TBC1D9: variants seen among roughly 807,000 people sequenced by gnomAD.
TBC1D9 encodes TBC1 domain family member 9, also known as TBC1 domain family member 9A.
A neutral mutation model predicts 132.0 loss-of-function variants in TBC1D9; 63 were observed. The observed-to-expected ratio is 0.48, with a 90% CI of 0.39 to 0.59. The LOEUF (loss-of-function observed/expected upper bound fraction) is 0.59. TBC1D9 is among the 20% of genes least tolerant of loss of function. TBC1D9 has a pLI of 0.00. For missense variants in TBC1D9, 1,261 were observed against 1,592.7 expected (o/e 0.79, Z 3.54); for synonymous variants, 610 against 609.9 (o/e 1.00, Z 0.00).
chr4:140,645,224 G>A, intron 13 of TBC1D9: 1 of 537,638 alleles, frequency 1.9e-6, no homozygotes, highest in Non-Finnish European at 3.7e-6. Flanking sequence ...ATTACTCCTG[G>A]TGTCTGGCCC....
At chr4:140,731,771 A>AT (rs1395940280) in intron 1 of TBC1D9, among the ~76,000 whole-genome samples, 22 of 151,894 alleles carry the variant, frequency 1.4e-4, no homozygotes, top group South Asian at 2.1e-4. Context: ...AGCAGATACA[A>AT]TTTTTTTTAC....
At chr4:140,745,842 AC>A (rs1738828534) in intron 1 of TBC1D9, among the ~76,000 whole-genome samples, 1 of 152,172 alleles carries the variant, frequency 6.6e-6, no homozygotes, top group African/African-American at 2.4e-5. Flanking sequence ...TACAGTACTT[AC>A]AAGCTGGCAA....
chr4:140,634,207 T>A lies in TBC1D9; in HGVS notation c.2506-19A>T. ...GTTCTGCCTGAAAAAGAATGGATGA[T>A]CACTGGGGACCCTCTTTTGCAGCAA... On this transcript the variant is annotated intron_variant, in intron 15 of 20. Transcript: ENST00000442267. 1.2e-6 allele frequency: 2 copies of A among 1,608,610 alleles called. No homozygotes were observed. Among genetic ancestry groups the A allele is most frequent in the Non-Finnish European group, 1.7e-6 (2 of 1,179,030 alleles).
Position 140,650,603 on chromosome 4 carries a change from G to C in TBC1D9, c.2337+6494C>G, listed in dbSNP as rs544655836. Among the ~76,000 whole-genome samples the C allele has an allele frequency of 4.6e-5, 7 of 152,262 alleles. No individual in the cohort carries two copies. The East Asian group carries it at 1.4e-3, about 29-fold the overall frequency. ...CCTGGAGTGCAATGGCGAGATCTTG[G>C]CTCACTGCAATCTCCGCCTCCCAGG... is the stretch of plus-strand genomic sequence containing the variant. On this transcript the variant is annotated intron_variant, in intron 13 of 20. Transcript: ENST00000442267.
At chr4:140,749,686 C>T (rs1449291455) in intron 1 of TBC1D9, among the ~76,000 whole-genome samples, 5 of 151,934 alleles carry the variant, frequency 3.3e-5, no homozygotes, top group Admixed American at 3.3e-4. Flanking sequence ...AATTACTAAA[C>T]ATTATAAAAA....
chr4:140,639,159 A>T lies in TBC1D9; in HGVS notation c.2437-5T>A. On this transcript the variant is annotated splice_polypyrimidine_tract_variant and splice_region_variant and intron_variant, in intron 14 of 20. Transcript: ENST00000442267. Reference sequence around the variant, plus strand: ...TTCTGTCACAATGGTTCGTACCTATAAAAATATTAAGCAAAATGAATTTCA... The same window carrying T: ...TTCTGTCACAATGGTTCGTACCTATTAAAATATTAAGCAAAATGAATTTCA... 1 of 1,568,822 alleles carries T rather than the reference A, an allele frequency of 6.4e-7. No homozygotes were observed.
chr4:140,711,458 T>C (rs1407769121), intron 1 of TBC1D9, among the ~76,000 whole-genome samples: 1 of 152,188 alleles, frequency 6.6e-6, no homozygotes. Flanking sequence ...AGATCCCTTC[T>C]CTCAGGAAGG....
At chr4:140,695,049 C>A (rs1737932742) in intron 2 of TBC1D9, among the ~76,000 whole-genome samples, 1 of 152,148 alleles carries the variant, frequency 6.6e-6, no homozygotes. Flanking sequence ...AACTAAATTA[C>A]CCAACATTTT....
Position 140,741,659 on chromosome 4 carries a change from A to G in TBC1D9, c.130+14257T>C, listed in dbSNP as rs1738760259. ...CTTGAGTCCAGGAGGCAGAGGATGCAGTGAGCAGAGATCATGCCAATGCAC... is the reference window on the plus strand; with the variant it reads ...CTTGAGTCCAGGAGGCAGAGGATGCGGTGAGCAGAGATCATGCCAATGCAC... On this transcript the variant is annotated intron_variant, in intron 1 of 20. Coordinates refer to ENST00000442267, the MANE Select transcript of TBC1D9 (RefSeq NM_015130.3). 2.0e-5 allele frequency among the ~76,000 whole-genome samples: 3 copies of G among 152,336 alleles called. 1 individual carries two copies. Among genetic ancestry groups the G allele is most frequent in the African/African-American group, 7.2e-5 (3 of 41,576 alleles).
intron 1 of TBC1D9, among the ~76,000 whole-genome samples, chr4:140,723,577 G>A (rs556615592): frequency 5.9e-5 from 9 of 152,030 alleles, no homozygotes; most frequent in Admixed American, 2.0e-4. Context: ...CAAGTGATCC[G>A]CCTGCCTCAG....
Position 140,713,729 on chromosome 4 carries a change from C to T in TBC1D9, c.131-12115G>A, listed in dbSNP as rs371412502. Among the ~76,000 whole-genome samples, 57 of 144,678 alleles carry T rather than the reference C, an allele frequency of 3.9e-4. No individual in the cohort carries two copies. In the East Asian group the frequency reaches 7.0e-3, roughly 18 times the overall value. 94.9% of individuals were successfully genotyped at this position (144,678 alleles called of 152,430 possible). On this transcript the variant is annotated intron_variant, in intron 1 of 20. Coordinates refer to ENST00000442267, the MANE Select transcript of TBC1D9 (RefSeq NM_015130.3). ...CTTCAGCCTGGGAGACAGAGTGAGA[C>T]CCTATCTCTGAAAAAGAATTAAAAA...
chr4:140,704,250 A>AATTAG (rs1485963084), intron 1 of TBC1D9, among the ~76,000 whole-genome samples: 1 of 151,990 alleles, frequency 6.6e-6, no homozygotes, highest in Admixed American at 6.6e-5. Context: ...ATCCAAAAAA[A>AATTAG]ATTAGCCAGG....
intron 1 of TBC1D9, among the ~76,000 whole-genome samples, chr4:140,710,599 TCTC>T (rs1190096150): frequency 1.3e-5 from 2 of 152,102 alleles, no homozygotes; most frequent in Non-Finnish European, 2.9e-5. Context: ...GCTGCTCAAA[TCTC>T]CTAAGCACCC....
chr4:140,676,788 T>C (rs1177405533), intron 6 of TBC1D9, 106 bp downstream of exon 6: 2 of 1,441,378 alleles, frequency 1.4e-6, no homozygotes, highest in Non-Finnish European at 1.9e-6. Context: ...CGCATGAACA[T>C]TCACCTGTGT....
intron 10 of TBC1D9, among the ~76,000 whole-genome samples, chr4:140,660,451 T>G (rs1482840443): frequency 6.6e-6 from 1 of 152,164 alleles, no homozygotes; most frequent in Non-Finnish European, 1.5e-5. Flanking sequence ...CTTCTACAAT[T>G]CAATTTCAAA....
chr4:140,686,129 G>GA (rs1230383093), intron 3 of TBC1D9, among the ~76,000 whole-genome samples: 1 of 151,074 alleles, frequency 6.6e-6, no homozygotes, highest in African/African-American at 2.4e-5. Context: ...ATCAATAAAA[G>GA]AAAAAAAAGG....
chr4:140,657,587 G>T lies in TBC1D9; in HGVS notation c.2147C>A (p.Ala716Glu). 2 of 1,613,942 alleles carry T rather than the reference G, an allele frequency of 1.2e-6. No individual in the cohort carries two copies. The highest frequency in any genetic ancestry group is 2.2e-5 in the South Asian group (2 of 91,076). ...GCAGTTCAACAGTTTGTCCACATTT[G>T]CATCCAGCACAGCTAGGGCCAACTG... Reference protein sequence around the residue: ...IFQLALAVLDANVDKLLNCKD... With the variant: ...IFQLALAVLDENVDKLLNCKD... The change falls in exon 12 of 21, where the codon GCA becomes GAA. Residue 716 changes from alanine (A) to glutamate (E), a missense_variant. Physicochemically the swap from Ala to Glu is moderately radical, Grantham distance 107. Transcript: ENST00000442267.
chr4:140,631,923 C>A (rs901382565), intron 16 of TBC1D9, among the ~76,000 whole-genome samples: 10 of 152,140 alleles, frequency 6.6e-5, no homozygotes, highest in African/African-American at 2.2e-4. Flanking sequence ...TAAACACAGA[C>A]AGAATTTCTC....
Position 140,756,071 on chromosome 4 carries a change from A to T in TBC1D9, c.-26T>A. On this transcript the variant is annotated 5_prime_UTR_variant, in exon 1 of 21. Coordinates refer to ENST00000442267, the MANE Select transcript of TBC1D9 (RefSeq NM_015130.3). This position sits in a 1 kb window ranked among gnomAD's most constrained non-coding sequence, Gnocchi z 5.6. ...GGTCCTGGCTGCCGCGGGCGGGCGC[A>T]CAATGGGCCCGTGGGTCCAGTCCTG... 2 of 1,598,798 alleles carry T rather than the reference A, an allele frequency of 1.3e-6. No homozygotes were observed. The highest frequency in any genetic ancestry group is 1.7e-6 in the Non-Finnish European group (2 of 1,172,864).
Sources: gnomAD v4.1 joint callset for allele counts (sites outside exome capture counted in the v4.1 genomes callset) on GRCh38, gnomAD v4.1.1 for gene constraint, Gnocchi (gnomAD v3.1) non-coding constraint, MANE v1.5 for transcripts, NCBI Gene and HGNC (gene_info 2026-07-23, HGNC 2026-07-21) for gene names.